The following PITPNC1 variants were observed in gnomAD, a reference collection of about 807,000 sequenced individuals.
PITPNC1 encodes the protein cytoplasmic phosphatidylinositol transfer protein 1.
In PITPNC1, 18 loss-of-function variants were observed where a neutral mutation model predicts 44.7. The ratio of observed to expected loss-of-function variants is 0.40; its 90% CI spans 0.28 to 0.60. The LOEUF (loss-of-function observed/expected upper bound fraction) is 0.60, where lower values mean the gene tolerates loss of function less well. Ranked by LOEUF, PITPNC1 falls within the 20% of genes least tolerant of loss-of-function variation. PITPNC1 has a pLI of 0.39. For missense variants in PITPNC1, 290 were observed against 418.4 expected, an observed-to-expected ratio of 0.69 and a Z score of 2.68; for synonymous variants, 141 against 149.6, an observed-to-expected ratio of 0.94 and a Z score of 0.42.
At chr17:67,652,575 A>G (rs1305109418) in intron 6 of PITPNC1, among the ~76,000 whole-genome samples, 1 of 152,178 alleles carries the variant, frequency 6.6e-6, no homozygotes, top group Non-Finnish European at 1.5e-5. Flanking sequence ...ATCCGGAGCC[A>G]GAGATCTCAT....
At chr17:67,530,290 A>G (rs892279639) in intron 1 of PITPNC1, among the ~76,000 whole-genome samples, 5 of 151,408 alleles carry the variant, frequency 3.3e-5, no homozygotes, top group African/African-American at 1.2e-4. Flanking sequence ...GTGGGGATTC[A>G]CCGTGATCGC....
intron 5 of PITPNC1, among the ~76,000 whole-genome samples, chr17:67,622,534 T>A (rs1598898547): frequency 6.8e-6 from 1 of 147,486 alleles, no homozygotes; most frequent in South Asian, 2.1e-4. Context: ...TTTTTTTTTT[T>A]ACAGCCATTA....
At chr17:67,424,742 G>A (rs529411371) in intron 1 of PITPNC1, among the ~76,000 whole-genome samples, 1 of 151,992 alleles carries the variant, frequency 6.6e-6, no homozygotes, top group Non-Finnish European at 1.5e-5. Flanking sequence ...AGGTTGCAGA[G>A]GTTGGAGTAC....
At chr17:67,385,611 A>G (rs2038033905) in intron 1 of PITPNC1, among the ~76,000 whole-genome samples, 1 of 151,910 alleles carries the variant, frequency 6.6e-6, no homozygotes, top group Non-Finnish European at 1.5e-5. Flanking sequence ...TAAGAGCTGT[A>G]ACACTCACCG....
chr17:67,539,629 G>C (rs530281991), intron 2 of PITPNC1, among the ~76,000 whole-genome samples: 186 of 152,322 alleles, frequency 1.2e-3, no homozygotes, highest in African/African-American at 4.2e-3. Context: ...ACGAGGTCAG[G>C]AGATCGAGAC....
chr17:67,623,760 G>A (rs893042925), intron 5 of PITPNC1, among the ~76,000 whole-genome samples: 6 of 152,128 alleles, frequency 3.9e-5, no homozygotes, highest in Admixed American at 1.3e-4. Context: ...ATCTAAGCCT[G>A]GATCTTAAAC....
intron 2 of PITPNC1, among the ~76,000 whole-genome samples, chr17:67,536,254 A>G (rs1301688547): frequency 2.0e-5 from 3 of 152,220 alleles, no homozygotes; most frequent in Non-Finnish European, 4.4e-5. Flanking sequence ...AAAAATATTG[A>G]TTAATTTTAG....
intron 1 of PITPNC1, among the ~76,000 whole-genome samples, chr17:67,517,088 G>A (rs537705713): frequency 4.8e-4 from 73 of 152,314 alleles, no homozygotes; most frequent in African/African-American, 1.7e-3. Context: ...GTGAAGTTCA[G>A]CTCTTCATTG....
intron 5 of PITPNC1, among the ~76,000 whole-genome samples, chr17:67,599,025 TATATATATA>T (rs375268259): frequency 0.011 from 368 of 32,222 alleles, 1 homozygote; most frequent in African/African-American, 0.034. Context: ...TATATATATA[TATATATATA>T]TTTTTTTTTT....
Position 67,475,773 on chromosome 17 carries a change from A to G in PITPNC1, c.49-57029A>G, listed in dbSNP as rs575367012. 5.3e-5 allele frequency among the ~76,000 whole-genome samples: 8 copies of G among 152,346 alleles called. No individual in the cohort carries two copies. The East Asian group carries it at 1.5e-3, about 29-fold the overall frequency. On this transcript the variant is annotated intron_variant, in intron 1 of 8. Coordinates refer to ENST00000581322, the MANE Select transcript of PITPNC1 (RefSeq NM_012417.4). Reference sequence around the variant, plus strand: ...AGGTTGTGCATCAGTAAGCACAATCAGGATTCAGTGCCAGGAATCCATAGT... The same window carrying G: ...AGGTTGTGCATCAGTAAGCACAATCGGGATTCAGTGCCAGGAATCCATAGT...
rs138233452 is a variant in PITPNC1, at chr17:67,525,854, C to G, written c.49-6948C>G. Among the ~76,000 whole-genome samples the G allele has an allele frequency of 7.8e-3, 1,194 of 152,310 alleles. 13 individuals carry two copies. Among genetic ancestry groups the G allele is most frequent in the African/African-American group, 0.027 (1,119 of 41,566 alleles). Reference sequence around the variant, plus strand: ...ATCACTCTCTGCTTTTCCAACATAGCCAGTGTGAGGCAGGAATCACACACG... The same window carrying G: ...ATCACTCTCTGCTTTTCCAACATAGGCAGTGTGAGGCAGGAATCACACACG... On this transcript the variant is annotated intron_variant, in intron 1 of 8. Transcript: ENST00000581322.
rs530992120 is a variant in PITPNC1 at position 67,540,990 on chromosome 17, A to T, written c.197+8040A>T. Among the ~76,000 whole-genome samples, 4 of 152,262 alleles carry T rather than the reference A, an allele frequency of 2.6e-5. No homozygotes were observed. The South Asian group carries it at 8.3e-4, about 32-fold the overall frequency. ...CGAGCACTTTGGGAGGCTGAGGCAG[A>T]TGGATCACTTGAGGTCAGGAGTTCG... On this transcript the variant is annotated intron_variant, in intron 2 of 8. Coordinates refer to ENST00000581322, the MANE Select transcript of PITPNC1 (RefSeq NM_012417.4).
intron 5 of PITPNC1, among the ~76,000 whole-genome samples, chr17:67,627,682 T>G (rs2041912389): frequency 6.6e-6 from 1 of 152,178 alleles, no homozygotes; most frequent in Non-Finnish European, 1.5e-5. Flanking sequence ...GAGGCGGTTT[T>G]GTTTTTGTTT....
intron 1 of PITPNC1, among the ~76,000 whole-genome samples, chr17:67,467,306 A>G (rs1013938352): frequency 6.6e-6 from 1 of 152,114 alleles, no homozygotes; most frequent in South Asian, 2.1e-4. Context: ...CACCCGCCTC[A>G]GCCTCCCAAT....
intron 4 of PITPNC1, among the ~76,000 whole-genome samples, chr17:67,567,375 T>A (rs2040994230): frequency 1.3e-5 from 2 of 151,912 alleles, no homozygotes; most frequent in South Asian, 4.2e-4. Flanking sequence ...TCCCAGCTAG[T>A]CAGGAGGCTG....
intron 6 of PITPNC1, among the ~76,000 whole-genome samples, chr17:67,663,839 T>C (rs761445716): frequency 2.6e-5 from 4 of 152,216 alleles, no homozygotes; most frequent in Non-Finnish European, 4.4e-5. Flanking sequence ...GTAAATGACA[T>C]GGCCGCTTCT....
chr17:67,380,039 CCCTT>C (rs577685754), intron 1 of PITPNC1, among the ~76,000 whole-genome samples: 351 of 148,754 alleles, frequency 2.4e-3, no homozygotes, highest in African/African-American at 8.2e-3. Context: ...TAGGTGGAGG[CCCTT>C]CCTTCCTTCC....
chr17:67,599,987 C>T (rs962448985), intron 5 of PITPNC1, among the ~76,000 whole-genome samples: 1 of 152,114 alleles, frequency 6.6e-6, no homozygotes, highest in African/African-American at 2.4e-5. Flanking sequence ...GTCTTGGGGT[C>T]AGGCAGGTAT....
chr17:67,490,146 GTGTGTGTGTGTGTGTT>G (rs1050663683), intron 1 of PITPNC1, among the ~76,000 whole-genome samples: 9 of 123,506 alleles, frequency 7.3e-5, no homozygotes, highest in African/African-American at 2.9e-4. Flanking sequence ...GTGTGTGTGT[GTGTGTGTGTGTGTGTT>G]TTAATTAACG....
Sources: allele counts gnomAD v4.1 joint callset (sites outside exome capture counted in the v4.1 genomes callset), GRCh38; gene constraint gnomAD v4.1.1; transcripts MANE v1.5; gene names NCBI Gene and HGNC (gene_info 2026-07-23, HGNC 2026-07-21).